YAP1: variants seen among roughly 807,000 people sequenced by gnomAD.
YAP1 encodes transcriptional coactivator YAP1.
Under a neutral mutation model 56.9 loss-of-function variants are expected in YAP1, and 5 were observed. The observed-to-expected ratio is 0.09, with a 90% CI of 0.05 to 0.18. The LOEUF is 0.18. Ranked by LOEUF, YAP1 falls within the 10% of genes least tolerant of loss-of-function variation. The probability of loss-of-function intolerance (pLI) is 1.00; values close to 1 mark genes in which losing one functional copy is unlikely to be tolerated. For missense variants in YAP1, 539 were observed against 651.8 expected (o/e 0.83, Z 1.88); for synonymous variants, 265 against 248.1 (o/e 1.07, Z -0.64).
intron 2 of YAP1, among the ~76,000 whole-genome samples, chr11:102,149,838 T>C (rs954288610): frequency 6.6e-6 from 1 of 152,180 alleles, no homozygotes; most frequent in Non-Finnish European, 1.5e-5. Context: ...TGACATCACC[T>C]GGCATGATGA....
intron 4 of YAP1, among the ~76,000 whole-genome samples, chr11:102,187,802 AAC>A (rs1192859357): frequency 6.6e-5 from 10 of 152,228 alleles, no homozygotes; most frequent in African/African-American, 2.4e-4. Context: ...ACTTTAAAAA[AAC>A]ACTACCACCC....
chr11:102,209,692 C>G, intron 6 of YAP1, 128 bp downstream of exon 6: 1 of 844,604 alleles, frequency 1.2e-6, no homozygotes, highest in South Asian at 2.3e-5. Flanking sequence ...TTTGAGCCAT[C>G]TTTCTACCAA....
chr11:102,197,518 C>T (rs533461108), intron 4 of YAP1, among the ~76,000 whole-genome samples: 1 of 149,662 alleles, frequency 6.7e-6, no homozygotes, highest in Non-Finnish European at 1.5e-5. Flanking sequence ...GGAAAAAAAA[C>T]CTATGGTGAT....
chr11:102,210,971 G>A (rs1278826610), intron 6 of YAP1, among the ~76,000 whole-genome samples: 1 of 152,072 alleles, frequency 6.6e-6, no homozygotes, highest in Admixed American at 6.6e-5. Context: ...TAGCCAGGAT[G>A]GTCTCGATCT....
At chr11:102,121,964 A>G (rs940854592) in intron 2 of YAP1, among the ~76,000 whole-genome samples, 1 of 151,984 alleles carries the variant, frequency 6.6e-6, no homozygotes, top group Non-Finnish European at 1.5e-5. Flanking sequence ...TGCCTGGCTA[A>G]TTTTTAAATT....
In YAP1 at chr11:102,162,509, A is replaced by G; in HGVS notation, c.626A>G (p.Gln209Arg). ...WQDPRKAMLS[Q>R]MNVTAPTSPP... Reference sequence around the variant, plus strand: ...GACCCCAGGAAGGCCATGCTGTCCCAGATGAACGTCACAGCCCCCACCAGT... The same window carrying G: ...GACCCCAGGAAGGCCATGCTGTCCCGGATGAACGTCACAGCCCCCACCAGT... Residue 209 changes from glutamine (Q) to arginine (R), a missense_variant, in exon 3 of 9, where the codon CAG (glutamine) becomes CGG (arginine). Coordinates refer to ENST00000282441, the MANE Select transcript of YAP1 (RefSeq NM_001130145.3). 2 of 1,614,246 alleles carry G rather than the reference A, an allele frequency of 1.2e-6. No individual in the cohort carries two copies. The highest frequency in any genetic ancestry group is 1.7e-6 in the Non-Finnish European group (2 of 1,180,042).
chr11:102,112,376 T>C (rs1942994500), intron 1 of YAP1: 1 of 971,124 alleles, frequency 1.0e-6, no homozygotes, highest in African/African-American at 1.8e-5. Flanking sequence ...TCCCAGTGGA[T>C]TTGTTTTGTG....
At chr11:102,155,704 C>T (rs1415729228) in intron 2 of YAP1, among the ~76,000 whole-genome samples, 2 of 152,178 alleles carry the variant, frequency 1.3e-5, no homozygotes, top group African/African-American at 2.4e-5. Context: ...ATGTTTCCCT[C>T]GCTGTTAGAC....
intron 2 of YAP1, among the ~76,000 whole-genome samples, chr11:102,148,966 C>A (rs567419006): frequency 6.6e-6 from 1 of 152,252 alleles, no homozygotes; most frequent in African/African-American, 2.4e-5. Context: ...CCACTAGCTG[C>A]AAATGATAGA....
intron 3 of YAP1, among the ~76,000 whole-genome samples, chr11:102,178,375 TG>T (rs1352449638): frequency 6.6e-6 from 1 of 152,122 alleles, no homozygotes; most frequent in Non-Finnish European, 1.5e-5. Context: ...ATTCCCAAAT[TG>T]TGGGGCAGGT....
chr11:102,166,732 G>A (rs1026266401), intron 3 of YAP1, among the ~76,000 whole-genome samples: 6 of 152,136 alleles, frequency 3.9e-5, no homozygotes, highest in African/African-American at 1.4e-4. Context: ...AATGCAACTT[G>A]ATTTACATTT....
intron 3 of YAP1, among the ~76,000 whole-genome samples, chr11:102,185,542 T>A (rs779324856): frequency 1.3e-5 from 2 of 152,224 alleles, no homozygotes; most frequent in Non-Finnish European, 2.9e-5. Flanking sequence ...AAATAGAGCT[T>A]GGCTGTCTTA....
intron 2 of YAP1, among the ~76,000 whole-genome samples, chr11:102,129,371 AGCACTTTGGGAGGCTGAG>A (rs1300433927): frequency 1.3e-5 from 2 of 152,148 alleles, no homozygotes; most frequent in African/African-American, 4.8e-5. Context: ...CTGTAATCCC[AGCACTTTGGGAGGCTGAG>A]GTGGGTGGAT....
intron 5 of YAP1, among the ~76,000 whole-genome samples, chr11:102,209,206 C>A (rs1292085383): frequency 6.6e-6 from 1 of 152,156 alleles, no homozygotes; most frequent in East Asian, 1.9e-4. Flanking sequence ...ACTGAAACAT[C>A]AAATATATTG....
intron 2 of YAP1, among the ~76,000 whole-genome samples, chr11:102,150,657 TA>T (rs1431715721): frequency 2.6e-5 from 4 of 152,124 alleles, no homozygotes; most frequent in Non-Finnish European, 5.9e-5. Context: ...TACAGTAACT[TA>T]AAAAAATGTG....
At chr11:102,135,765 A>G (rs1175389234) in intron 2 of YAP1, among the ~76,000 whole-genome samples, 1 of 152,258 alleles carries the variant, frequency 6.6e-6, no homozygotes, top group Non-Finnish European at 1.5e-5. Flanking sequence ...TTAATTTGCC[A>G]CAGTTCTTAT....
At position 102,227,459 on chromosome 11, in the gene YAP1, G is replaced by A. The variant is rs755469839; in HGVS notation, c.1164-10G>A. 16 of 1,603,292 alleles carry A rather than the reference G, an allele frequency of 1.0e-5. No individual in the cohort carries two copies. The African/African-American group carries it at 1.7e-4, about 17-fold the overall frequency. On this transcript the variant is annotated splice_polypyrimidine_tract_variant and intron_variant, in intron 7 of 8. Transcript: ENST00000282441. ...TTTTGTGTTGGTCTTTAACTGTCAT[G>A]TTTATGTAGTGGCACCTATCACTCT...
chr11:102,194,627 TGTG>T (rs1235407363), intron 4 of YAP1, among the ~76,000 whole-genome samples: 1 of 152,146 alleles, frequency 6.6e-6, no homozygotes, highest in East Asian at 1.9e-4. Flanking sequence ...TACTAAACAA[TGTG>T]GGGTGAAAGG....
At chr11:102,202,591 T>C (rs906831494) in intron 4 of YAP1, among the ~76,000 whole-genome samples, 2 of 152,110 alleles carry the variant, frequency 1.3e-5, no homozygotes, top group African/African-American at 4.8e-5. Flanking sequence ...ATTCTGTATC[T>C]TACCTGTACA....
Sources: allele counts gnomAD v4.1 joint callset (sites outside exome capture counted in the v4.1 genomes callset), GRCh38; gene constraint gnomAD v4.1.1; transcripts MANE v1.5; gene names NCBI Gene and HGNC (gene_info 2026-07-23, HGNC 2026-07-21).